Variants in HAPLN1 observed in about 807,000 individuals in gnomAD.
HAPLN1 encodes the protein Cartilage link protein.
HAPLN1 carries 13 observed loss-of-function variants against 36.5 expected under a neutral mutation model. The observed-to-expected ratio is 0.36, with a 90% CI of 0.23 to 0.57. HAPLN1 has a LOEUF of 0.57. HAPLN1 is among the 20% of genes least tolerant of loss of function. The pLI, the probability that HAPLN1 is intolerant of heterozygous loss-of-function variation, is 0.83. For missense variants in HAPLN1, 407 were observed against 439.7 expected (o/e 0.93, Z 0.66); for synonymous variants, 202 against 169.8 (o/e 1.19, Z -1.48).
chr5:83,702,795 C>T (rs36053471), intron 1 of HAPLN1, among the ~76,000 whole-genome samples: 11,415 of 147,052 alleles, frequency 0.078, 540 homozygotes, highest in African/African-American at 0.12. Context: ...TGGAGTGCAG[C>T]GGAGCAATTT....
chr5:83,683,174 A>G (rs1751045972), intron 1 of HAPLN1, among the ~76,000 whole-genome samples: 4 of 152,200 alleles, frequency 2.6e-5, no homozygotes, highest in Admixed American at 2.0e-4. Flanking sequence ...GGGTATAAAA[A>G]GTCTCAGGTT....
At chr5:83,680,500 T>A (rs1434072467) in intron 1 of HAPLN1, among the ~76,000 whole-genome samples, 4 of 152,230 alleles carry the variant, frequency 2.6e-5, no homozygotes, top group East Asian at 1.9e-4. Context: ...TACTAAAAAA[T>A]TTTTCAGTTA....
chr5:83,703,877 G>A (rs1751565728), intron 1 of HAPLN1, among the ~76,000 whole-genome samples: 1 of 151,740 alleles, frequency 6.6e-6, no homozygotes. Flanking sequence ...GGCCATAGTT[G>A]ACTTCAGGAA....
intron 1 of HAPLN1, among the ~76,000 whole-genome samples, chr5:83,678,220 G>GGTGTGTGTGT (rs56962854): frequency 0.044 from 6,201 of 142,526 alleles, 158 homozygotes; most frequent in Middle Eastern, 0.061. Flanking sequence ...CTATAGTTTG[G>GGTGTGTGTGT]GTGTGTGTGT....
chr5:83,666,991 A>G (rs774772146), intron 2 of HAPLN1, among the ~76,000 whole-genome samples: 2 of 152,166 alleles, frequency 1.3e-5, no homozygotes, highest in African/African-American at 2.4e-5. Context: ...GAAAATATAT[A>G]TTTCTGTTAC....
intron 1 of HAPLN1, among the ~76,000 whole-genome samples, chr5:83,689,052 C>CT (rs763868446): frequency 7.2e-5 from 11 of 152,122 alleles, no homozygotes; most frequent in Non-Finnish European, 1.5e-4. Context: ...ATGAACTTGC[C>CT]TGGAGGATTT....
intron 3 of HAPLN1, among the ~76,000 whole-genome samples, chr5:83,650,440 C>T (rs1750022061): frequency 6.6e-6 from 1 of 151,884 alleles, no homozygotes; most frequent in Non-Finnish European, 1.5e-5. Flanking sequence ...AATGAAAGAG[C>T]AAAGATTGGA....
At chr5:83,717,352 C>G (rs187086141) in intron 1 of HAPLN1, among the ~76,000 whole-genome samples, 14 of 152,316 alleles carry the variant, frequency 9.2e-5, no homozygotes, top group African/African-American at 3.4e-4. Flanking sequence ...CTCCTTCTTT[C>G]ACTGTGTAGG....
intron 1 of HAPLN1, among the ~76,000 whole-genome samples, chr5:83,689,696 T>C (rs1267241422): frequency 6.6e-6 from 1 of 152,138 alleles, no homozygotes; most frequent in African/African-American, 2.4e-5. Context: ...GAGAGATTTT[T>C]TTATTTACTA....
chr5:83,707,002 T>C (rs1314495580), intron 1 of HAPLN1, among the ~76,000 whole-genome samples: 1 of 152,062 alleles, frequency 6.6e-6, no homozygotes, highest in South Asian at 2.1e-4. Flanking sequence ...ACAAAGTACC[T>C]AGGAATACGG....
At chr5:83,681,809 T>C in intron 1 of HAPLN1, among the ~76,000 whole-genome samples, 1 of 152,214 alleles carries the variant, frequency 6.6e-6, no homozygotes, top group Admixed American at 6.5e-5. Flanking sequence ...AAATTCAGAA[T>C]TGGTCAGGCG....
chr5:83,716,113 G>GA (rs1321615903), intron 1 of HAPLN1, among the ~76,000 whole-genome samples: 1 of 151,602 alleles, frequency 6.6e-6, no homozygotes, highest in African/African-American at 2.4e-5. Context: ...GCGAAAATGA[G>GA]AAAAAAAATT....
At chr5:83,680,130 C>T (rs753865597) in intron 1 of HAPLN1, among the ~76,000 whole-genome samples, 32 of 152,250 alleles carry the variant, frequency 2.1e-4, no homozygotes, top group Admixed American at 1.3e-4. Context: ...TTCACCTAAT[C>T]GAAGTGCATT....
chr5:83,673,176 C>A (rs1750772095), intron 2 of HAPLN1, among the ~76,000 whole-genome samples: 1 of 152,154 alleles, frequency 6.6e-6, no homozygotes, highest in Non-Finnish European at 1.5e-5. Context: ...ACTTAACAGC[C>A]TTGAACGATT....
At chr5:83,698,877 A>G (rs188145527) in intron 1 of HAPLN1, among the ~76,000 whole-genome samples, 5 of 152,346 alleles carry the variant, frequency 3.3e-5, no homozygotes, top group African/African-American at 1.2e-4. Context: ...GCATGGATAT[A>G]GAAGGTTTCT....
intron 2 of HAPLN1, among the ~76,000 whole-genome samples, chr5:83,656,233 C>T (rs951932034): frequency 2.1e-5 from 3 of 142,830 alleles, no homozygotes; most frequent in Non-Finnish European, 4.5e-5. Flanking sequence ...GAGGCTGAAG[C>T]AGGAGAATTG....
intron 3 of HAPLN1, among the ~76,000 whole-genome samples, chr5:83,649,951 A>G (rs1286662966): frequency 6.6e-6 from 1 of 152,228 alleles, no homozygotes; most frequent in Non-Finnish European, 1.5e-5. Flanking sequence ...ACAAAACAAA[A>G]TGTGATCAGA....
intron 4 of HAPLN1, among the ~76,000 whole-genome samples, chr5:83,643,668 T>A (rs1299480542): frequency 6.6e-6 from 1 of 152,144 alleles, no homozygotes; most frequent in Non-Finnish European, 1.5e-5. Flanking sequence ...CCATGTCTGG[T>A]CTCAAACTCC....
At chr5:83,645,847 A>T (rs1749858248) in intron 3 of HAPLN1, among the ~76,000 whole-genome samples, 1 of 152,128 alleles carries the variant, frequency 6.6e-6, no homozygotes, top group South Asian at 2.1e-4. Context: ...GCAAACTGAA[A>T]GTAAGGGGTT....
Sources: allele counts gnomAD v4.1 joint callset (sites outside exome capture counted in the v4.1 genomes callset), GRCh38; gene constraint gnomAD v4.1.1; transcripts MANE v1.5; gene names NCBI Gene and HGNC (gene_info 2026-07-23, HGNC 2026-07-21).